MICAL3: variants seen among roughly 807,000 people sequenced by gnomAD.
MICAL3 encodes [F-actin]-monooxygenase MICAL3.
Under a neutral mutation model 207.4 loss-of-function variants are expected in MICAL3, and 62 were observed. The observed-to-expected ratio is 0.30, with a 90% CI of 0.24 to 0.37. The LOEUF (loss-of-function observed/expected upper bound fraction) is 0.37. Ranked by LOEUF, MICAL3 falls within the 10% of genes least tolerant of loss-of-function variation. The pLI is 1.00. For missense variants in MICAL3, 2,368 were observed against 2,635.6 expected (o/e 0.90, Z 2.22); for synonymous variants, 1,077 against 1,069.3 (o/e 1.01, Z -0.14).
chr22:17,817,248 T>A lies in MICAL3; in HGVS notation c.5350+63A>T, dbSNP rs1921094774. On this transcript the variant is annotated intron_variant, in intron 26 of 31. Transcript: ENST00000441493. ...TGAGTGTGGATCCTGAGAGCCCCAG[T>A]GACCCCAGCCCCTCCCGCACCCCTC... 3 of 1,472,946 alleles carry A rather than the reference T, an allele frequency of 2.0e-6. No individual in the cohort carries two copies. In the Admixed American group the frequency reaches 6.7e-5, roughly 33 times the overall value. 91.2% of individuals were successfully genotyped at this position (1,472,946 alleles called of 1,614,324 possible).
chr22:17,895,204 G>A, intron 10 of MICAL3, 80 bp downstream of exon 10: 3 of 1,409,948 alleles, frequency 2.1e-6, no homozygotes, highest in Non-Finnish European at 3.0e-6. Context: ...GTATTAATAG[G>A]TGCACGCATC....
At chr22:17,897,009 G>A (rs1930903004) in intron 7 of MICAL3, 28 bp from the exon 8 acceptor site, 1 of 1,589,358 alleles carries the variant, frequency 6.3e-7, no homozygotes, top group Non-Finnish European at 8.6e-7. Flanking sequence ...GGAGGGTAGG[G>A]ATGGAGAAGC....
In MICAL3 at chr22:17,960,320, G is replaced by A. The variant is rs543287407; in HGVS notation, c.-74-53434C>T. Among the ~76,000 whole-genome samples, 13 of 152,326 alleles carry A rather than the reference G, an allele frequency of 8.5e-5. No homozygotes were observed. The South Asian group carries it at 2.1e-3, about 24-fold the overall frequency. On this transcript the variant is annotated intron_variant, in intron 1 of 31. Coordinates refer to ENST00000441493, the MANE Select transcript of MICAL3 (RefSeq NM_015241.3). ...TGTATGTAGGCCTCTGTGTACATGC[G>A]TGTGCATGTGTCCTGAAGCCTGGTC...
intron 1 of MICAL3, among the ~76,000 whole-genome samples, chr22:17,956,181 T>C (rs1934604892): frequency 6.6e-6 from 1 of 152,190 alleles, no homozygotes; most frequent in African/African-American, 2.4e-5. Flanking sequence ...TCAAGGGTGC[T>C]GCATGCTCAT....
At chr22:17,906,951 A>G (rs1931767176) in intron 1 of MICAL3, 65 bp from the exon 2 acceptor site, 1 of 848,798 alleles carries the variant, frequency 1.2e-6, no homozygotes, top group African/African-American at 1.7e-5. Flanking sequence ...CAGGAGACAT[A>G]TTCCTCTTCA....
chr22:17,856,963 G>C (rs563829854), intron 19 of MICAL3, among the ~76,000 whole-genome samples: 5 of 152,162 alleles, frequency 3.3e-5, no homozygotes, highest in Non-Finnish European at 7.4e-5. Context: ...CTAGTCTCTC[G>C]GTAGTAAAAT....
chr22:17,928,113 G>A (rs1206235618), intron 1 of MICAL3, among the ~76,000 whole-genome samples: 1 of 151,876 alleles, frequency 6.6e-6, no homozygotes, highest in Non-Finnish European at 1.5e-5. Context: ...CTGCAGGAAC[G>A]CTACCTGATG....
At chr22:17,808,248 C>T (rs1376884517) in intron 29 of MICAL3, among the ~76,000 whole-genome samples, 2 of 152,278 alleles carry the variant, frequency 1.3e-5, no homozygotes, top group Admixed American at 6.5e-5. Context: ...CCAGCCACTC[C>T]CCGGAGTCTG....
chr22:17,862,183 T>C (rs564057683), intron 19 of MICAL3: 2 of 985,176 alleles, frequency 2.0e-6, no homozygotes, highest in Non-Finnish European at 2.4e-6. Context: ...TAGAGGCGGT[T>C]ACCATGGGCC....
chr22:17,933,482 G>A (rs185546732), intron 1 of MICAL3, among the ~76,000 whole-genome samples: 6 of 152,244 alleles, frequency 3.9e-5, no homozygotes, highest in African/African-American at 1.4e-4. Context: ...GAGTGTAGAG[G>A]GAAATTTATA....
At chr22:17,877,228 AGGTT>A (rs1928732128) in intron 16 of MICAL3, among the ~76,000 whole-genome samples, 1 of 113,438 alleles carries the variant, frequency 8.8e-6, no homozygotes, top group Non-Finnish European at 1.8e-5. Context: ...GAGGTTAGGG[AGGTT>A]ATGGAGGTTA....
Position 17,818,657 on chromosome 22 carries a change from C to G in MICAL3, c.4004G>C (p.Arg1335Pro). 6.2e-7 allele frequency: 1 copy of G among 1,613,622 alleles called. No individual in the cohort carries two copies. ...CACAGGTGTGAGCCCGAGGCTGCGGCGGATCTCCGCACTCTTCATCCAGAA... is the reference window on the plus strand; with the variant it reads ...CACAGGTGTGAGCCCGAGGCTGCGGGGGATCTCCGCACTCTTCATCCAGAA... Reference protein sequence around the residue: ...EEFWMKSAEIRRSLGLTPVDR... With the variant: ...EEFWMKSAEIPRSLGLTPVDR... Residue 1335 changes from arginine to proline, a missense_variant, in exon 26 of 32, where the codon CGC (arginine) becomes CCC (proline). Arg to Pro is a moderately radical substitution (Grantham distance 103). Around this residue, in one of 4 missense-constraint regions of MICAL3, gnomAD observed 1,770 missense variants for 1,863.2 expected, o/e 0.95. Transcript: ENST00000441493.
At chr22:17,897,527 TG>T (rs1487528048) in intron 7 of MICAL3, among the ~76,000 whole-genome samples, 1 of 152,094 alleles carries the variant, frequency 6.6e-6, no homozygotes, top group Non-Finnish European at 1.5e-5. Context: ...TCCATTTGCT[TG>T]GAACAATGAC....
At chr22:17,864,118 GA>G in intron 19 of MICAL3, 1 of 986,956 alleles carries the variant, frequency 1.0e-6, no homozygotes, top group African/African-American at 1.7e-5. Context: ...CCATTTTAAG[GA>G]AAATCTACAT....
At chr22:17,980,378 C>T (rs1260038094) in intron 1 of MICAL3, among the ~76,000 whole-genome samples, 1 of 152,156 alleles carries the variant, frequency 6.6e-6, no homozygotes, top group African/African-American at 2.4e-5. Flanking sequence ...CCCCATTCCG[C>T]AATCAGAATT....
At position 17,841,016 on chromosome 22, in the gene MICAL3, C is replaced by T. The variant is rs559649634; in HGVS notation, c.2801+806G>A. ...GCGTTCTTGGACCTTAAAAAAACTGCTCTGCTCTCCTTATCCCCACATGTT... is the reference window on the plus strand; with the variant it reads ...GCGTTCTTGGACCTTAAAAAAACTGTTCTGCTCTCCTTATCCCCACATGTT... On this transcript the variant is annotated intron_variant, in intron 20 of 31. Coordinates refer to ENST00000441493, the MANE Select transcript of MICAL3 (RefSeq NM_015241.3). The surrounding 1 kb of genome is among the most constrained non-coding windows in gnomAD (Gnocchi z 4.2). The T allele has an allele frequency of 1.3e-5, 2 of 152,402 alleles. No homozygotes were observed. The highest frequency in any genetic ancestry group is 1.9e-4 in the East Asian group (1 of 5,194). 9.4% of individuals were successfully genotyped at this position (152,402 alleles called of 1,614,324 possible).
At chr22:17,951,287 G>A (rs1234511702) in intron 1 of MICAL3, among the ~76,000 whole-genome samples, 4 of 152,110 alleles carry the variant, frequency 2.6e-5, no homozygotes, top group African/African-American at 4.8e-5. Context: ...CCCGGGGTCC[G>A]TCATTCAGTG....
intron 1 of MICAL3, among the ~76,000 whole-genome samples, chr22:18,014,108 C>T (rs1444444832): frequency 1.4e-5 from 2 of 142,858 alleles, no homozygotes; most frequent in African/African-American, 5.2e-5. Flanking sequence ...CTCTCTCTCC[C>T]TCTCTTAGAC....
intron 1 of MICAL3, chr22:17,980,762 G>A (rs1034864630): frequency 2.8e-5 from 13 of 458,434 alleles, no homozygotes; most frequent in East Asian, 5.8e-5. Context: ...CATTCCGCCC[G>A]TCTTATCATT....
Sources: gnomAD v4.1 joint callset for allele counts (sites outside exome capture counted in the v4.1 genomes callset) on GRCh38, gnomAD v4.1.1 for gene constraint, gnomAD v4.1.1 regional missense constraint, Gnocchi (gnomAD v3.1) non-coding constraint, MANE v1.5 for transcripts, NCBI Gene and HGNC (gene_info 2026-07-23, HGNC 2026-07-21) for gene names.